The following GPRC5A variants were observed in gnomAD, a reference collection of about 807,000 sequenced individuals.
GPRC5A encodes the protein retinoic acid-induced protein 3.
In GPRC5A, 19 loss-of-function variants were observed where a neutral mutation model predicts 22.5. The observed-to-expected ratio is 0.85, with a 90% confidence interval of 0.59 to 1.24. The LOEUF is 1.24. Among genes scored for constraint, GPRC5A ranks in the 50% most tolerant of loss-of-function variants. The pLI is 0.00. For missense variants in GPRC5A, 471 were observed against 451.1 expected (o/e 1.04, Z -0.40); for synonymous variants, 192 against 184.5 (o/e 1.04, Z -0.33).
At chr12:12,894,105 C>T (rs1418718282) in intron 1 of GPRC5A, among the ~76,000 whole-genome samples, 1 of 152,178 alleles carries the variant, frequency 6.6e-6, no homozygotes, top group East Asian at 1.9e-4. Flanking sequence ...GTTTATGTAT[C>T]ATCTATGCTG....
At chr12:12,893,386 T>C (rs952474919) in intron 1 of GPRC5A, among the ~76,000 whole-genome samples, 1 of 152,256 alleles carries the variant, frequency 6.6e-6, no homozygotes, top group African/African-American at 2.4e-5. Flanking sequence ...CTGGGTCCAC[T>C]ACTATTTAAA....
At chr12:12,909,386 T>TTG (rs1863980256) in intron 2 of GPRC5A, 1 of 516,068 alleles carries the variant, frequency 1.9e-6, no homozygotes, top group South Asian at 3.3e-5. Context: ...ATTGAGTACT[T>TTG]TGTACAATTG....
Position 12,912,508 on chromosome 12 carries a change from A to G in GPRC5A, c.1043A>G (p.Lys348Arg). ...PRAHAWPSPY[K>R]DYEVKKEGS Reference sequence around the variant, plus strand: ...GCCCACGCTTGGCCGAGCCCTTACAAAGACTATGAAGTAAAGAAAGAGGGC... The same window carrying G: ...GCCCACGCTTGGCCGAGCCCTTACAGAGACTATGAAGTAAAGAAAGAGGGC... Residue 348 changes from lysine (K) to arginine (R), a missense_variant, in exon 4 of 4, where the codon AAA becomes AGA. Coordinates refer to ENST00000014914, the MANE Select transcript of GPRC5A (RefSeq NM_003979.4). The G allele has an allele frequency of 6.2e-7, 1 of 1,609,970 alleles. No individual in the cohort carries two copies. Among genetic ancestry groups the G allele is most frequent in the Non-Finnish European group, 8.5e-7 (1 of 1,176,156 alleles).
At chr12:12,905,678 G>A (rs911883788) in intron 1 of GPRC5A, among the ~76,000 whole-genome samples, 3 of 152,192 alleles carry the variant, frequency 2.0e-5, no homozygotes, top group East Asian at 1.9e-4. Flanking sequence ...TCTCTTTTTC[G>A]ATTTCCCAAT....
chr12:12,906,917 C>T (rs1421116874), intron 1 of GPRC5A, among the ~76,000 whole-genome samples: 1 of 151,858 alleles, frequency 6.6e-6, no homozygotes, highest in Non-Finnish European at 1.5e-5. Context: ...ATTAGCTGGG[C>T]ATGTTGGCGC....
chr12:12,908,849 TG>T lies in GPRC5A; in HGVS notation c.602del (p.Gly201ValfsTer89), dbSNP rs1427697314. On this transcript the variant is annotated frameshift_variant, in exon 2 of 4. Transcript: ENST00000014914. LOFTEE classifies it high-confidence loss of function. ...TCCTCATGTCCTCCTTCACCTTCTG[TG>T]GTTCCTTCACGGGCTGGAAGAGACA... ...TFLMSSFTFC[G>X]SFTGWKRHGA... 3.7e-6 allele frequency: 6 copies of T among 1,614,166 alleles called. No homozygotes were observed. Among genetic ancestry groups the T allele is most frequent in the Non-Finnish European group, 5.1e-6 (6 of 1,180,006 alleles).
chr12:12,894,140 T>C (rs2070975633), intron 1 of GPRC5A, among the ~76,000 whole-genome samples: 1 of 152,262 alleles, frequency 6.6e-6, no homozygotes, highest in Non-Finnish European at 1.5e-5. Flanking sequence ...ATGTGTGGCT[T>C]GCAGAGTCTT....
chr12:12,909,396 G>A, intron 2 of GPRC5A: 1 of 475,276 alleles, frequency 2.1e-6, no homozygotes, highest in Non-Finnish European at 3.7e-6. Flanking sequence ...TTGTACAATT[G>A]GTGTAGACTG....
chr12:12,897,230 A>AG (rs1208052513), intron 1 of GPRC5A, among the ~76,000 whole-genome samples: 1 of 150,338 alleles, frequency 6.7e-6, no homozygotes, highest in Non-Finnish European at 1.5e-5. Context: ...CCTGTCTTAA[A>AG]AAAAAAAAAA....
rs142064578 is a variant in GPRC5A, at chr12:12,915,510, T to C, written c.*2971T>C. 2 of 154,716 alleles carry C rather than the reference T, an allele frequency of 1.3e-5. No individual in the cohort carries two copies. Among genetic ancestry groups the C allele is most frequent in the Non-Finnish European group, 2.9e-5 (2 of 69,610 alleles). 9.6% of individuals were successfully genotyped at this position (154,716 alleles called of 1,614,324 possible). A position where few individuals can be genotyped will look rare whatever the true frequency, so the allele number is the denominator to read the frequency against. On this transcript the variant is annotated 3_prime_UTR_variant, in exon 4 of 4. Coordinates refer to ENST00000014914, the MANE Select transcript of GPRC5A (RefSeq NM_003979.4). ...TGCACCCGGCCTGCTTTCTTTTTAG[T>C]GAAAAGGATCTGTGGGAGCTTTTAT...
intron 1 of GPRC5A, among the ~76,000 whole-genome samples, chr12:12,901,954 C>G (rs1863892496): frequency 6.6e-6 from 1 of 152,178 alleles, no homozygotes; most frequent in Admixed American, 6.5e-5. Flanking sequence ...CCTGCTCTAG[C>G]CCTTTGCTCC....
intron 2 of GPRC5A, chr12:12,909,389 TACAA>T: frequency 2.0e-6 from 1 of 510,806 alleles, no homozygotes; most frequent in Non-Finnish European, 3.4e-6. Context: ...GAGTACTTTG[TACAA>T]TTGGTGTAGA....
intron 1 of GPRC5A, among the ~76,000 whole-genome samples, chr12:12,892,762 T>G (rs544911054): frequency 3.3e-5 from 5 of 152,308 alleles, no homozygotes; most frequent in African/African-American, 1.2e-4. Context: ...CTGACTTCTT[T>G]CCATTCCTGA....
intron 1 of GPRC5A, among the ~76,000 whole-genome samples, chr12:12,900,067 T>G (rs7309370): frequency 0.64 from 97,935 of 152,080 alleles, 32,086 homozygotes; most frequent in East Asian, 0.96. Context: ...GTTCACGTTT[T>G]TCCCTGCACA....
rs1009576606 is a variant in GPRC5A at position 12,916,935 on chromosome 12, C to T, written c.*4396C>T. 3 of 152,296 alleles carry T rather than the reference C, an allele frequency of 2.0e-5. No homozygotes were observed. Among genetic ancestry groups the T allele is most frequent in the Non-Finnish European group, 2.9e-5 (2 of 68,120 alleles). The allele number at this position is 152,296 out of a possible 1,614,324, so 9.4% of individuals were successfully genotyped here. ...AGCTGACCTTTCCCTTCCTTGCCCT[C>T]ATCTTGCTGCCAGGGTCTGCAGGTT... On this transcript the variant is annotated 3_prime_UTR_variant, in exon 4 of 4. Transcript: ENST00000014914.
chr12:12,894,777 T>TTG (rs1169905833), intron 1 of GPRC5A, among the ~76,000 whole-genome samples: 2 of 128,658 alleles, frequency 1.6e-5, no homozygotes, highest in East Asian at 4.4e-4. Flanking sequence ...GGATGGTTTT[T>TTG]TTTTTTTTTT....
chr12:12,896,277 A>G (rs1289421271), intron 1 of GPRC5A, among the ~76,000 whole-genome samples: 1 of 152,140 alleles, frequency 6.6e-6, no homozygotes, highest in African/African-American at 2.4e-5. Context: ...ACTTGTTTTG[A>G]TCTGCCTGTG....
chr12:12,915,019 T>C lies in GPRC5A; in HGVS notation c.*2480T>C, dbSNP rs1458346816. On this transcript the variant is annotated 3_prime_UTR_variant, in exon 4 of 4. Transcript: ENST00000014914. ...ATCACAAAATACTCTGGATCGGCAT[T>C]TTTTTTTTTTTTTTTTTTTGAGACA... The C allele has an allele frequency of 3.9e-5, 5 of 127,228 alleles. No individual in the cohort carries two copies. The highest frequency in any genetic ancestry group is 7.8e-5 in the Non-Finnish European group (5 of 64,514). The allele number at this position is 127,228 out of a possible 1,614,324, so 7.9% of individuals were successfully genotyped here. A position where few individuals can be genotyped will look rare whatever the true frequency, so the allele number is the denominator to read the frequency against.
intron 2 of GPRC5A, chr12:12,910,017 T>G (rs550286596): frequency 3.3e-5 from 5 of 151,668 alleles, no homozygotes; most frequent in African/African-American, 1.2e-4. Context: ...TGTTCTCGTG[T>G]TGTTTTCATA....
Sources: allele counts gnomAD v4.1 joint callset (sites outside exome capture counted in the v4.1 genomes callset), GRCh38; gene constraint gnomAD v4.1.1; transcripts MANE v1.5; gene names NCBI Gene and HGNC (gene_info 2026-07-23, HGNC 2026-07-21).